The following CDKL2 variants were observed in gnomAD, a reference collection of about 807,000 sequenced individuals.
The protein encoded by CDKL2 is cyclin dependent kinase like 2, also known as cyclin-dependent kinase-like 2.
Under a neutral mutation model 63.9 loss-of-function variants are expected in CDKL2, and 64 were observed. The observed-to-expected ratio is 1.00, with a 90% CI of 0.82 to 1.23. The LOEUF is 1.23. CDKL2 is among the 50% of genes most tolerant of loss of function. The pLI is 0.00. For missense variants in CDKL2, 656 were observed against 668.0 expected, an observed-to-expected ratio of 0.98 and a Z score of 0.20; for synonymous variants, 211 against 229.2, an observed-to-expected ratio of 0.92 and a Z score of 0.72.
intron 1 of CDKL2, among the ~76,000 whole-genome samples, chr4:75,627,536 G>T (rs1051527268): frequency 1.3e-5 from 2 of 152,032 alleles, no homozygotes; most frequent in South Asian, 4.1e-4. Context: ...CTCCCAAAGT[G>T]CTGGGATTGC....
In CDKL2 at chr4:75,595,954, GAGGA is replaced by G. The variant is rs773043076; in HGVS notation, c.1416+289_1416+292del. The stretch of plus-strand genomic sequence containing the variant: ...AAAAAAAAGAAAAGAAAAAGAAAGA[GAGGA>G]AGGAAGGAAGGAAGGAAAGAAGGAA... On this transcript the variant is annotated intron_variant, in intron 10 of 13. Coordinates refer to ENST00000307465, the MANE Select transcript of CDKL2 (RefSeq NM_001330724.2). The G allele has an allele frequency of 1.2e-4, 27 of 220,752 alleles. 1 individual carries two copies. The highest frequency in any genetic ancestry group is 3.9e-4 in the African/African-American group (13 of 33,034). The allele number at this position is 220,752 out of a possible 1,614,324, so 13.7% of individuals were successfully genotyped here. A position where few individuals can be genotyped will look rare whatever the true frequency, so the allele number is the denominator to read the frequency against.
intron 2 of CDKL2, among the ~76,000 whole-genome samples, chr4:75,617,197 A>G (rs1729965188): frequency 2.0e-5 from 3 of 152,152 alleles, no homozygotes; most frequent in African/African-American, 7.2e-5. Context: ...CCTGAACTTA[A>G]AAGTTAAAAA....
intron 6 of CDKL2, among the ~76,000 whole-genome samples, chr4:75,601,575 A>G (rs756748135): frequency 6.6e-6 from 1 of 152,152 alleles, no homozygotes; most frequent in Non-Finnish European, 1.5e-5. Context: ...ACTAGATGAT[A>G]AGTACATGAA....
In CDKL2 at chr4:75,597,087, A is replaced by G. The variant is rs545296798; in HGVS notation, c.1170T>C (p.Pro390=). 2.5e-6 allele frequency: 4 copies of G among 1,614,156 alleles called. No homozygotes were observed. The African/African-American group carries it at 5.3e-5, about 22-fold the overall frequency. Residue 390 remains proline, a synonymous_variant, in exon 9 of 14, where the codon CCT becomes CCC. Coordinates refer to ENST00000307465, the MANE Select transcript of CDKL2 (RefSeq NM_001330724.2). The stretch of plus-strand genomic sequence containing the variant: ...TGCTGCAGTCTTTGAGGCTTGTTGA[A>G]GGCACTATTTTGTTGTGGCTTGTCC... The part of the protein sequence containing the change: ...DSRTSHNKIV[P]STSLKDCSNV...
At chr4:75,596,599 A>G (rs1024412587) in intron 9 of CDKL2, among the ~76,000 whole-genome samples, 1 of 152,150 alleles carries the variant, frequency 6.6e-6, no homozygotes, top group Non-Finnish European at 1.5e-5. Flanking sequence ...TCCTTATACT[A>G]CTATAGGCTC....
intron 1 of CDKL2, among the ~76,000 whole-genome samples, chr4:75,628,317 G>A (rs1309488760): frequency 6.6e-6 from 1 of 152,116 alleles, no homozygotes; most frequent in Non-Finnish European, 1.5e-5. Flanking sequence ...GGGTTTCACC[G>A]TGTTAGCCAG....
At chr4:75,589,160 C>T (rs1728593468) in intron 12 of CDKL2, among the ~76,000 whole-genome samples, 2 of 152,066 alleles carry the variant, frequency 1.3e-5, no homozygotes, top group Non-Finnish European at 2.9e-5. Flanking sequence ...CAATGAGATG[C>T]CACTTCACAC....
intron 6 of CDKL2, among the ~76,000 whole-genome samples, chr4:75,600,911 C>CA (rs1481059094): frequency 2.0e-5 from 3 of 152,206 alleles, no homozygotes; most frequent in Non-Finnish European, 2.9e-5. Flanking sequence ...GTAGTTTTGC[C>CA]AAAAAATCAA....
intron 2 of CDKL2, among the ~76,000 whole-genome samples, chr4:75,617,334 C>T (rs1267922093): frequency 5.3e-5 from 8 of 152,104 alleles, no homozygotes; most frequent in African/African-American, 1.9e-4. Context: ...CTAATACTTA[C>T]ACAATGCTTA....
chr4:75,597,911 GT>G (rs1729012252), intron 8 of CDKL2, among the ~76,000 whole-genome samples, 165 bp downstream of exon 8: 1 of 152,078 alleles, frequency 6.6e-6, no homozygotes, highest in African/African-American at 2.4e-5. Context: ...GATATGTTAA[GT>G]TTTCTAAACA....
chr4:75,614,049 T>C (rs1327513209), intron 3 of CDKL2, among the ~76,000 whole-genome samples: 2 of 152,168 alleles, frequency 1.3e-5, no homozygotes, highest in Non-Finnish European at 2.9e-5. Context: ...AGAGCGAGAC[T>C]CTGTCTCGGA....
At chr4:75,584,183 G>A (rs1378457544) in intron 12 of CDKL2, among the ~76,000 whole-genome samples, 1 of 152,204 alleles carries the variant, frequency 6.6e-6, no homozygotes, top group African/African-American at 2.4e-5. Context: ...AATCATGTGA[G>A]CTCTTAGCAT....
intron 6 of CDKL2, among the ~76,000 whole-genome samples, chr4:75,601,871 T>C (rs1729202608): frequency 6.6e-6 from 1 of 152,150 alleles, no homozygotes; most frequent in Non-Finnish European, 1.5e-5. Flanking sequence ...AGTTAAAGAA[T>C]TAAAAAACAA....
chr4:75,591,705 G>T, intron 12 of CDKL2, 114 bp downstream of exon 12: 1 of 640,986 alleles, frequency 1.6e-6, no homozygotes, highest in Non-Finnish European at 2.6e-6. Context: ...AAATGTTATA[G>T]ATCCCACCAA....
intron 8 of CDKL2, 25 bp from the exon 9 acceptor site, chr4:75,597,261 AAG>A: frequency 7.1e-7 from 1 of 1,413,176 alleles, no homozygotes; most frequent in Non-Finnish European, 9.9e-7. Context: ...AAATATTAAT[AAG>A]GTTAATGATC....
At chr4:75,600,066 C>T (rs924466511) in intron 7 of CDKL2, among the ~76,000 whole-genome samples, 2 of 152,116 alleles carry the variant, frequency 1.3e-5, no homozygotes, top group African/African-American at 4.8e-5. Flanking sequence ...ATAAAATGAC[C>T]GCTTCATGAA....
At chr4:75,619,178 A>T (rs1730052644) in intron 2 of CDKL2, among the ~76,000 whole-genome samples, 2 of 152,310 alleles carry the variant, frequency 1.3e-5, no homozygotes, top group Admixed American at 1.3e-4. Flanking sequence ...GAACTGGGAA[A>T]ATTTTAATGT....
intron 8 of CDKL2, 125 bp from the exon 9 acceptor site, chr4:75,597,361 C>A: frequency 1.6e-6 from 1 of 639,270 alleles, no homozygotes; most frequent in South Asian, 2.1e-5. Context: ...AAACTGTTTT[C>A]TTTATTCTTC....
chr4:75,586,302 T>C (rs572228385), intron 12 of CDKL2, among the ~76,000 whole-genome samples: 1 of 151,962 alleles, frequency 6.6e-6, no homozygotes, highest in South Asian at 2.1e-4. Flanking sequence ...CTTGGCTCAC[T>C]GCAAGCTCTG....
Sources: gnomAD v4.1 joint callset for allele counts (sites outside exome capture counted in the v4.1 genomes callset) on GRCh38, gnomAD v4.1.1 for gene constraint, MANE v1.5 for transcripts, NCBI Gene and HGNC (gene_info 2026-07-23, HGNC 2026-07-21) for gene names.